Variants in APP observed in about 807,000 individuals in gnomAD.
The protein encoded by APP is amyloid beta precursor protein.
A neutral mutation model predicts 101.4 loss-of-function variants in APP; 31 were observed. The ratio of observed to expected loss-of-function variants is 0.31; its 90% CI spans 0.23 to 0.41. The LOEUF is 0.41. Ranked by LOEUF, APP falls within the 10% of genes least tolerant of loss-of-function variation. The pLI is 1.00. For missense variants in APP, 839 were observed against 1,003.7 expected (o/e 0.84, Z 2.22); for synonymous variants, 366 against 364.4 (o/e 1.00, Z -0.05).
intron 2 of APP, among the ~76,000 whole-genome samples, chr21:26,103,458 C>T (rs999454374): frequency 1.0e-4 from 5 of 47,892 alleles, no homozygotes; most frequent in Non-Finnish European, 1.9e-4. Flanking sequence ...AAATTAGCCA[C>T]ATGTGGTGGC....
At chr21:26,122,004 A>G (rs2062584068) in intron 1 of APP, among the ~76,000 whole-genome samples, 2 of 152,232 alleles carry the variant, frequency 1.3e-5, no homozygotes, top group South Asian at 4.1e-4. Flanking sequence ...TGGGTCTACC[A>G]TTTAACTAGA....
chr21:26,167,891 T>G (rs2063651763), intron 1 of APP, among the ~76,000 whole-genome samples: 1 of 152,160 alleles, frequency 6.6e-6, no homozygotes, highest in South Asian at 2.1e-4. Context: ...TTCTCATCGA[T>G]TAGCAAGAAC....
chr21:26,094,074 C>G (rs540735379), intron 2 of APP, among the ~76,000 whole-genome samples: 1 of 151,002 alleles, frequency 6.6e-6, no homozygotes. Flanking sequence ...TGAGATCACA[C>G]CACTGCACTC....
intron 8 of APP, among the ~76,000 whole-genome samples, chr21:25,992,091 A>G (rs1444192458): frequency 6.6e-6 from 1 of 152,222 alleles, no homozygotes; most frequent in African/African-American, 2.4e-5. Context: ...ATTATCAAAA[A>G]TACTGTATAG....
chr21:25,952,665 T>A (rs1274981725), intron 13 of APP, among the ~76,000 whole-genome samples: 1 of 152,208 alleles, frequency 6.6e-6, no homozygotes, highest in Non-Finnish European at 1.5e-5. Flanking sequence ...TCCTTTGTAA[T>A]GGCTTATTTC....
At chr21:25,999,914 A>G (rs549496062) in intron 7 of APP, 101 bp downstream of exon 7, 2 of 1,347,988 alleles carry the variant, frequency 1.5e-6, no homozygotes, top group East Asian at 5.0e-5. Flanking sequence ...TGGTAGCAAC[A>G]GGCCCATTCC....
chr21:26,041,955 C>G (rs2045390820), intron 5 of APP, among the ~76,000 whole-genome samples: 1 of 151,796 alleles, frequency 6.6e-6, no homozygotes, highest in African/African-American at 2.4e-5. Context: ...TATAGACAGT[C>G]AGAAAGCCTC....
At chr21:26,138,802 A>G (rs774615083) in intron 1 of APP, among the ~76,000 whole-genome samples, 15 of 152,212 alleles carry the variant, frequency 9.9e-5, no homozygotes, top group Non-Finnish European at 1.6e-4. Flanking sequence ...CTGTTACTCA[A>G]TATTTATCCA....
chr21:25,982,255 A>G, intron 9 of APP, 89 bp downstream of exon 9: 1 of 1,384,176 alleles, frequency 7.2e-7, no homozygotes, highest in Non-Finnish European at 1.0e-6. Flanking sequence ...GATCTTGATA[A>G]AGCCAGCAGG....
chr21:26,130,688 G>A (rs1465558754), intron 1 of APP, among the ~76,000 whole-genome samples: 2 of 152,302 alleles, frequency 1.3e-5, no homozygotes, highest in Admixed American at 6.5e-5. Flanking sequence ...CTAAGCTTAC[G>A]CTAAGGGCAA....
chr21:26,055,108 AGT>A, intron 3 of APP, among the ~76,000 whole-genome samples: 1 of 152,198 alleles, frequency 6.6e-6, no homozygotes, highest in Non-Finnish European at 1.5e-5. Context: ...ATAGCAGTAT[AGT>A]GTGTGTTGCA....
At chr21:26,110,831 G>A (rs1173683676) in intron 2 of APP, among the ~76,000 whole-genome samples, 1 of 152,092 alleles carries the variant, frequency 6.6e-6, no homozygotes. Context: ...GCTATCTGCT[G>A]TTTATAATGA....
chr21:25,885,256 C>T (rs1202175572), intron 17 of APP, among the ~76,000 whole-genome samples: 2 of 152,224 alleles, frequency 1.3e-5, no homozygotes, highest in African/African-American at 2.4e-5. Context: ...GTAAGGGTAG[C>T]CTTCCTCTCC....
At chr21:25,914,752 A>T (rs1207207643) in intron 13 of APP, among the ~76,000 whole-genome samples, 1 of 151,756 alleles carries the variant, frequency 6.6e-6, no homozygotes. Context: ...ACGGGGTTTC[A>T]CCGTGTTAGC....
At chr21:26,106,331 C>T (rs191513482) in intron 2 of APP, among the ~76,000 whole-genome samples, 8 of 152,278 alleles carry the variant, frequency 5.3e-5, no homozygotes, top group South Asian at 4.2e-4. Flanking sequence ...CCCCACACTA[C>T]GATCCTTCCC....
At chr21:26,055,520 T>C (rs913629169) in intron 3 of APP, among the ~76,000 whole-genome samples, 4 of 152,294 alleles carry the variant, frequency 2.6e-5, no homozygotes, top group African/African-American at 9.6e-5. Flanking sequence ...GGTGGATTTC[T>C]CAGGGTTTCT....
intron 3 of APP, among the ~76,000 whole-genome samples, chr21:26,060,887 G>A (rs1043353498): frequency 6.6e-6 from 1 of 152,220 alleles, no homozygotes; most frequent in Non-Finnish European, 1.5e-5. Flanking sequence ...GGGCAAGCGA[G>A]TGAGTGACAG....
intron 5 of APP, among the ~76,000 whole-genome samples, chr21:26,031,205 A>G (rs1174809543): frequency 1.3e-5 from 2 of 152,180 alleles, no homozygotes; most frequent in African/African-American, 4.8e-5. Context: ...GTCCATACAC[A>G]TGAGAACTAC....
At chr21:25,893,473 T>G (rs1404020185) in intron 16 of APP, among the ~76,000 whole-genome samples, 2 of 152,330 alleles carry the variant, frequency 1.3e-5, no homozygotes, top group East Asian at 3.9e-4. Context: ...TGAAGGAGAT[T>G]AAAAGTGCTA....
Sources: gnomAD v4.1 joint callset for allele counts (sites outside exome capture counted in the v4.1 genomes callset) on GRCh38, gnomAD v4.1.1 for gene constraint, MANE v1.5 for transcripts, NCBI Gene and HGNC (gene_info 2026-07-23, HGNC 2026-07-21) for gene names.